Variants in CTNNA2 observed in about 807,000 individuals in gnomAD.
The protein encoded by CTNNA2 is catenin alpha-2.
A neutral mutation model predicts 101.0 loss-of-function variants in CTNNA2; 42 were observed. The ratio of observed to expected loss-of-function variants is 0.42; its 90% CI spans 0.32 to 0.54. The LOEUF (loss-of-function observed/expected upper bound fraction) is 0.54. Ranked by LOEUF, CTNNA2 falls within the 20% of genes least tolerant of loss-of-function variation. The pLI, the probability that CTNNA2 is intolerant of heterozygous loss-of-function variation, is 0.14. For missense variants in CTNNA2, 871 were observed against 1,223.1 expected (o/e 0.71, Z 4.29); for synonymous variants, 450 against 456.4 (o/e 0.99, Z 0.18).
chr2:80,606,970 G>T (rs939053296), intron 16 of CTNNA2, among the ~76,000 whole-genome samples: 3 of 151,810 alleles, frequency 2.0e-5, no homozygotes, highest in Admixed American at 2.0e-4. Context: ...CTTGTAAGAA[G>T]CTAAAAACAG....
intron 12 of CTNNA2, among the ~76,000 whole-genome samples, chr2:80,559,645 T>TA (rs1336380444): frequency 6.6e-6 from 1 of 152,148 alleles, no homozygotes; most frequent in Non-Finnish European, 1.5e-5. Flanking sequence ...TCATTTTCTA[T>TA]AAAACAATCT....
chr2:80,205,688 G>A (rs1707490689), intron 7 of CTNNA2, among the ~76,000 whole-genome samples: 1 of 152,134 alleles, frequency 6.6e-6, no homozygotes, highest in Non-Finnish European at 1.5e-5. Context: ...TTAACTTACT[G>A]CCTCTCTTGC....
At chr2:79,188,263 C>A (rs1673808193) in intron 1 of CTNNA2, among the ~76,000 whole-genome samples, 2 of 152,202 alleles carry the variant, frequency 1.3e-5, no homozygotes, top group South Asian at 4.2e-4. Flanking sequence ...TTCCTCACCC[C>A]AGTGATGAAG....
At chr2:79,548,148 T>C (rs1026187691) in intron 1 of CTNNA2, 1 of 152,220 alleles carries the variant, frequency 6.6e-6, no homozygotes, top group Non-Finnish European at 1.5e-5. Flanking sequence ...TTATTACTGT[T>C]ACTGACATAG....
At chr2:79,954,953 T>G (rs1394680296) in intron 7 of CTNNA2, among the ~76,000 whole-genome samples, 1 of 152,218 alleles carries the variant, frequency 6.6e-6, no homozygotes. Context: ...AGAAATACCC[T>G]TCTCTTTGAA....
At chr2:80,257,649 GT>G (rs1452455097) in intron 7 of CTNNA2, among the ~76,000 whole-genome samples, 2 of 152,204 alleles carry the variant, frequency 1.3e-5, no homozygotes, top group East Asian at 3.8e-4. Flanking sequence ...TGGATGGTGT[GT>G]TAGTGTGCAC....
intron 7 of CTNNA2, among the ~76,000 whole-genome samples, chr2:80,003,015 C>G (rs1262289944): frequency 6.6e-6 from 1 of 152,136 alleles, no homozygotes; most frequent in Non-Finnish European, 1.5e-5. Flanking sequence ...TCCCTACCCA[C>G]TTAGGTTAAG....
intron 1 of CTNNA2, among the ~76,000 whole-genome samples, chr2:79,522,241 A>G (rs537507437): frequency 1.3e-5 from 2 of 152,138 alleles, no homozygotes; most frequent in Non-Finnish European, 2.9e-5. Context: ...ATGCTTGTTG[A>G]TTCAACTAAG....
intron 4 of CTNNA2, among the ~76,000 whole-genome samples, chr2:79,490,634 G>A (rs186032075): frequency 2.6e-5 from 4 of 152,216 alleles, no homozygotes; most frequent in East Asian, 1.9e-4. Context: ...GAATACAGGA[G>A]GCAAAAAGAA....
Position 79,459,395 on chromosome 2 carries a change from A to T in CTNNA2, c.-134-45659A>T, listed in dbSNP as rs557353791. Among the ~76,000 whole-genome samples the T allele has an allele frequency of 2.9e-3, 429 of 149,120 alleles. 2 individuals are homozygous for T. Among genetic ancestry groups the T allele is most frequent in the African/African-American group, 9.6e-3 (391 of 40,842 alleles). On this transcript the variant is annotated intron_variant, in intron 4 of 21. Coordinates refer to the CTNNA2 transcript ENST00000466387. ...TATGCAAGTATTGTAAGTAAAAAGGATTTTTTTTTTTCAAAGAGAGAAACA... is the reference window on the plus strand; with the variant it reads ...TATGCAAGTATTGTAAGTAAAAAGGTTTTTTTTTTTTCAAAGAGAGAAACA...
chr2:79,350,188 T>C (rs537642084), intron 3 of CTNNA2, among the ~76,000 whole-genome samples: 80 of 152,066 alleles, frequency 5.3e-4, no homozygotes, highest in African/African-American at 1.8e-3. Flanking sequence ...TAAATAGATA[T>C]ATTGTGTAAA....
In CTNNA2 at chr2:80,240,995, C is replaced by T. The variant is rs1295694913; in HGVS notation, c.1057-152216C>T. Reference sequence around the variant, plus strand: ...ATGCCCTTCCCACTGCCCTAAATTCCCTGAGTTCAATTGACAAGGTTGGAA... The same window carrying T: ...ATGCCCTTCCCACTGCCCTAAATTCTCTGAGTTCAATTGACAAGGTTGGAA... On this transcript the variant is annotated intron_variant, in intron 7 of 18. Transcript: ENST00000402739. Among the ~76,000 whole-genome samples, 3 of 152,112 alleles carry T rather than the reference C, an allele frequency of 2.0e-5. No individual in the cohort carries two copies. In the East Asian group the frequency reaches 5.8e-4, roughly 29 times the overall value.
rs562985353 is a variant in CTNNA2, at chr2:79,435,294, G to T, written c.-135+61281G>T. Among the ~76,000 whole-genome samples the T allele has an allele frequency of 2.0e-5, 3 of 152,262 alleles. No homozygotes were observed. The South Asian group carries it at 6.2e-4, about 32-fold the overall frequency. On this transcript the variant is annotated intron_variant, in intron 4 of 21. Coordinates refer to the CTNNA2 transcript ENST00000466387. ...ATAGTAGTGGTGTTAAGGAAGTGTT[G>T]TCATATGGCCTGCTTAATGTTCAGA...
chr2:80,409,589 A>G (rs1032197584), intron 8 of CTNNA2, among the ~76,000 whole-genome samples: 1 of 152,186 alleles, frequency 6.6e-6, no homozygotes, highest in Non-Finnish European at 1.5e-5. Context: ...ACCAAGAGCT[A>G]CTTAAATGCC....
chr2:80,597,049 G>C (rs1182056591), intron 15 of CTNNA2, among the ~76,000 whole-genome samples: 1 of 152,100 alleles, frequency 6.6e-6, no homozygotes, highest in Non-Finnish European at 1.5e-5. Flanking sequence ...GCATCCCAGG[G>C]ATGAACTCAA....
At chr2:79,565,601 A>G (rs1675062021) in intron 1 of CTNNA2, among the ~76,000 whole-genome samples, 1 of 152,162 alleles carries the variant, frequency 6.6e-6, no homozygotes, top group South Asian at 2.1e-4. Flanking sequence ...CAGGAGGTAG[A>G]TAGAACCTTT....
At chr2:79,772,592 G>A (rs920450429) in intron 3 of CTNNA2, among the ~76,000 whole-genome samples, 9 of 152,104 alleles carry the variant, frequency 5.9e-5, no homozygotes, top group African/African-American at 2.2e-4. Context: ...TTTATTTTAA[G>A]AGACAGGTTC....
At chr2:80,454,660 T>A (rs965178691) in intron 9 of CTNNA2, among the ~76,000 whole-genome samples, 2 of 152,208 alleles carry the variant, frequency 1.3e-5, no homozygotes, top group African/African-American at 4.8e-5. Flanking sequence ...GGAGGGCAAG[T>A]ACCCTGGGCA....
intron 9 of CTNNA2, among the ~76,000 whole-genome samples, chr2:80,437,589 T>G (rs1682155770): frequency 6.6e-6 from 1 of 152,234 alleles, no homozygotes; most frequent in East Asian, 1.9e-4. Flanking sequence ...AGTCTAATTA[T>G]TTATTTTGTT....
Sources: allele counts gnomAD v4.1 joint callset (sites outside exome capture counted in the v4.1 genomes callset), GRCh38; gene constraint gnomAD v4.1.1; transcripts MANE v1.5; gene names NCBI Gene and HGNC (gene_info 2026-07-23, HGNC 2026-07-21).